The following PTPRD variants were observed in gnomAD, a reference collection of about 807,000 sequenced individuals.
The protein encoded by PTPRD is receptor-type tyrosine-protein phosphatase delta.
In PTPRD, 34 loss-of-function variants were observed where a neutral mutation model predicts 214.5. The observed-to-expected ratio is 0.16, with a 90% CI of 0.12 to 0.21. The LOEUF is 0.21. Among genes scored for constraint, PTPRD ranks in the 10% least tolerant of loss-of-function variants. PTPRD has a pLI of 1.00. For missense variants in PTPRD, 2,545 were observed against 2,398.7 expected (o/e 1.06, Z -1.27); for synonymous variants, 1,128 against 845.7 (o/e 1.33, Z -5.79).
chr9:9,160,157 A>C (rs77438239), intron 10 of PTPRD, among the ~76,000 whole-genome samples: 32 of 152,314 alleles, frequency 2.1e-4, no homozygotes, highest in Non-Finnish European at 3.7e-4. Flanking sequence ...ATTATTCCTA[A>C]AGCACAAGAT....
chr9:9,918,424 T>C (rs904071342), intron 5 of PTPRD, among the ~76,000 whole-genome samples: 4 of 104,404 alleles, frequency 3.8e-5, no homozygotes, highest in African/African-American at 1.4e-4. Context: ...AAGATACAAA[T>C]AAAAAGACAC....
At chr9:9,324,442 G>C in intron 9 of PTPRD, among the ~76,000 whole-genome samples, 1 of 152,164 alleles carries the variant, frequency 6.6e-6, no homozygotes, top group Non-Finnish European at 1.5e-5. Context: ...GATGACCAGT[G>C]ATGATGAGCA....
chr9:9,310,963 A>AAATG (rs1958804699), intron 9 of PTPRD, among the ~76,000 whole-genome samples: 1 of 150,760 alleles, frequency 6.6e-6, no homozygotes, highest in South Asian at 2.1e-4. Context: ...ATAAATAAAT[A>AAATG]ACATTCTCGG....
At chr9:10,124,127 C>A (rs1242787924) in intron 3 of PTPRD, among the ~76,000 whole-genome samples, 2 of 152,120 alleles carry the variant, frequency 1.3e-5, no homozygotes, top group Non-Finnish European at 2.9e-5. Flanking sequence ...AGTTGAGGAA[C>A]CTGACGGTCT....
At chr9:8,470,425 T>C (rs964961239) in intron 31 of PTPRD, among the ~76,000 whole-genome samples, 3 of 152,170 alleles carry the variant, frequency 2.0e-5, no homozygotes, top group South Asian at 2.1e-4. Context: ...TGTTTCTTAT[T>C]CTATATATTC....
chr9:10,209,113 T>C (rs1719845042), intron 3 of PTPRD, among the ~76,000 whole-genome samples: 1 of 152,180 alleles, frequency 6.6e-6, no homozygotes, highest in Admixed American at 6.5e-5. Flanking sequence ...ACTGTGTGAC[T>C]ACAATATTAT....
At chr9:8,922,852 A>G (rs2098837391) in intron 11 of PTPRD, among the ~76,000 whole-genome samples, 1 of 141,762 alleles carries the variant, frequency 7.1e-6, no homozygotes, top group South Asian at 2.2e-4. Flanking sequence ...TTTAGTAGAG[A>G]TGGGGTTTCA....
At chr9:9,294,916 CA>C (rs1301770422) in intron 9 of PTPRD, among the ~76,000 whole-genome samples, 4 of 151,548 alleles carry the variant, frequency 2.6e-5, no homozygotes, top group South Asian at 2.1e-4. Flanking sequence ...CGTTTTTATT[CA>C]GATTTGCCAA....
At chr9:9,440,419 G>T (rs1393932551) in intron 8 of PTPRD, among the ~76,000 whole-genome samples, 1 of 152,126 alleles carries the variant, frequency 6.6e-6, no homozygotes, top group African/African-American at 2.4e-5. Flanking sequence ...GTAGAAAGGG[G>T]CAATTAATTT....
intron 8 of PTPRD, among the ~76,000 whole-genome samples, chr9:9,525,608 AT>A (rs535460203): frequency 3.7e-4 from 56 of 150,258 alleles, no homozygotes; most frequent in African/African-American, 1.1e-3. Context: ...TTGTTAAATA[AT>A]TTTTTTTTTC....
At chr9:10,433,329 G>A (rs1478189704) in intron 2 of PTPRD, among the ~76,000 whole-genome samples, 2 of 151,854 alleles carry the variant, frequency 1.3e-5, no homozygotes, top group Admixed American at 6.6e-5. Context: ...GGACATAAAT[G>A]TCTTCAGCAC....
intron 14 of PTPRD, among the ~76,000 whole-genome samples, chr9:8,547,022 A>C (rs2080366074): frequency 6.6e-6 from 1 of 152,178 alleles, no homozygotes; most frequent in Admixed American, 6.5e-5. Context: ...TTCCTGCTCC[A>C]CTGTCATACC....
intron 18 of PTPRD, among the ~76,000 whole-genome samples, chr9:8,524,439 C>G (rs1445091048): frequency 1.3e-5 from 2 of 152,094 alleles, no homozygotes; most frequent in Admixed American, 1.3e-4. Context: ...TTGCATGTAG[C>G]ACTTGTTTTA....
At chr9:9,810,203 T>G (rs548292714) in intron 5 of PTPRD, among the ~76,000 whole-genome samples, 1 of 152,054 alleles carries the variant, frequency 6.6e-6, no homozygotes, top group Non-Finnish European at 1.5e-5. Flanking sequence ...TTATTTTGTT[T>G]AGGTTACTTT....
chr9:10,126,480 T>A (rs1006954981), intron 3 of PTPRD, among the ~76,000 whole-genome samples: 3 of 151,216 alleles, frequency 2.0e-5, no homozygotes, highest in African/African-American at 7.3e-5. Flanking sequence ...TATATATATA[T>A]AAAACTCTCC....
intron 10 of PTPRD, among the ~76,000 whole-genome samples, chr9:9,102,546 T>C (rs970716810): frequency 2.6e-5 from 4 of 152,192 alleles, no homozygotes; most frequent in African/African-American, 9.7e-5. Flanking sequence ...TCACCATCAA[T>C]CAGAAAGATA....
intron 9 of PTPRD, among the ~76,000 whole-genome samples, chr9:9,372,599 T>C (rs528608469): frequency 6.6e-6 from 1 of 152,290 alleles, no homozygotes; most frequent in African/African-American, 2.4e-5. Context: ...AATTGGAGGA[T>C]TTAGCCCATT....
intron 9 of PTPRD, among the ~76,000 whole-genome samples, chr9:9,347,932 C>T (rs967327000): frequency 5.9e-5 from 9 of 152,086 alleles, no homozygotes; most frequent in Non-Finnish European, 8.8e-5. Context: ...TTTTCAGACA[C>T]ATCATAGTGA....
intron 5 of PTPRD, among the ~76,000 whole-genome samples, chr9:9,823,756 T>C (rs974807855): frequency 4.6e-5 from 7 of 151,896 alleles, no homozygotes; most frequent in African/African-American, 1.7e-4. Flanking sequence ...GAGGGATGGG[T>C]CCAAAAATAC....
Sources: allele counts gnomAD v4.1 joint callset (sites outside exome capture counted in the v4.1 genomes callset), GRCh38; gene constraint gnomAD v4.1.1; transcripts MANE v1.5; gene names NCBI Gene and HGNC (gene_info 2026-07-23, HGNC 2026-07-21).